GANC: variants seen among roughly 807,000 people sequenced by gnomAD.
GANC encodes the protein neutral alpha-glucosidase C.
In GANC, 117 loss-of-function variants were observed where a neutral mutation model predicts 124.2. The observed-to-expected ratio is 0.94, with a 90% CI of 0.81 to 1.10. GANC has a LOEUF of 1.10. Ranked by LOEUF, GANC falls within the 50% of genes least tolerant of loss-of-function variation. The probability of loss-of-function intolerance (pLI) is 0.00; values close to 1 mark genes in which losing one functional copy is unlikely to be tolerated. For missense variants in GANC, 1,140 were observed against 1,095.0 expected (o/e 1.04, Z -0.58); for synonymous variants, 377 against 376.8 (o/e 1.00, Z -0.01).
In GANC at chr15:42,327,419, C is replaced by G; in HGVS notation, c.1477C>G (p.Leu493Val). 11 of 1,613,362 alleles carry G rather than the reference C, an allele frequency of 6.8e-6. No individual in the cohort carries two copies. Among genetic ancestry groups the G allele is most frequent in the Non-Finnish European group, 9.3e-6 (11 of 1,179,556 alleles). Residue 493 changes from leucine (L) to valine (V), a missense_variant, in exon 13 of 24, where the codon CTT becomes GTT. Leu to Val is a conservative substitution (Grantham distance 32). Coordinates refer to ENST00000318010, the MANE Select transcript of GANC (RefSeq NM_198141.3). ...CAAGGTCAGAGAGTGGTATTCAAGTCTTTTTGCTTTCCCTGTTTATCAGGT... is the reference window on the plus strand; with the variant it reads ...CAAGGTCAGAGAGTGGTATTCAAGTGTTTTTGCTTTCCCTGTTTATCAGGT... The part of the protein sequence containing the change: ...NPKVREWYSS[L>V]FAFPVYQGST...
At chr15:42,280,020 G>A (rs2051716084) in intron 3 of GANC, among the ~76,000 whole-genome samples, 1 of 152,176 alleles carries the variant, frequency 6.6e-6, no homozygotes, top group South Asian at 2.1e-4. Context: ...TTAGTCATAT[G>A]GAATCTTCAT....
At chr15:42,292,593 C>T in intron 4 of GANC, 142 bp from the exon 5 acceptor site, 1 of 728,410 alleles carries the variant, frequency 1.4e-6, no homozygotes, top group Admixed American at 3.1e-5. Flanking sequence ...AGCCAATGCT[C>T]TCATTAACTT....
intron 6 of GANC, among the ~76,000 whole-genome samples, chr15:42,298,226 A>G (rs1305154634): frequency 6.6e-6 from 1 of 152,224 alleles, no homozygotes; most frequent in Non-Finnish European, 1.5e-5. Flanking sequence ...GATGGAGCAT[A>G]TTCCATTTGA....
chr15:42,292,909 C>A lies in GANC; in HGVS notation c.504C>A (p.His168Gln). 1.2e-6 allele frequency: 2 copies of A among 1,613,672 alleles called. No individual in the cohort carries two copies. Among genetic ancestry groups the A allele is most frequent in the Non-Finnish European group, 1.7e-6 (2 of 1,179,684 alleles). ...ACTTTGAGCATCTACAGATTCTTCA[C>A]AAACAAAGGTATTCTTATGCATTAC... ...QLYFEHLQIL[H>Q]KQRAAKENEE... is the part of the protein sequence containing the mutation. Residue 168 changes from histidine to glutamine, a missense_variant, in exon 5 of 24, where the codon CAC becomes CAA. Physicochemically the swap from His to Gln is conservative, Grantham distance 24. Transcript: ENST00000318010.
At chr15:42,319,713 T>G (rs1380071241) in intron 10 of GANC, among the ~76,000 whole-genome samples, 1 of 152,160 alleles carries the variant, frequency 6.6e-6, no homozygotes, top group African/African-American at 2.4e-5. Context: ...ATTTATTGTT[T>G]TATAAATTGT....
chr15:42,292,377 G>GTTT (rs61513725), intron 4 of GANC, among the ~76,000 whole-genome samples: 1 of 148,294 alleles, frequency 6.7e-6, no homozygotes, highest in Non-Finnish European at 1.5e-5. Flanking sequence ...TTTACTGTGT[G>GTTT]TTTTTTTTTT....
intron 19 of GANC, chr15:42,343,397 C>CT: frequency 2.1e-6 from 1 of 480,982 alleles, no homozygotes; most frequent in South Asian, 2.4e-5. Flanking sequence ...AGTCTTCACA[C>CT]TTTGACTAGT....
In GANC at chr15:42,297,687, T is replaced by C. The variant is rs749301874; in HGVS notation, c.558+31T>C. On this transcript the variant is annotated intron_variant, in intron 6 of 23. Coordinates refer to ENST00000318010, the MANE Select transcript of GANC (RefSeq NM_198141.3). ...CTAGATTGATCCATTTATTGTTATCTTTTTCACCATCATCATCATGATAGG... is the reference window on the plus strand; with the variant it reads ...CTAGATTGATCCATTTATTGTTATCCTTTTCACCATCATCATCATGATAGG... 72 of 1,489,298 alleles carry C rather than the reference T, an allele frequency of 4.8e-5. No individual in the cohort carries two copies. The Middle Eastern group carries it at 5.2e-4, about 11-fold the overall frequency. The allele number at this position is 1,489,298 out of a possible 1,614,324, so 92.3% of individuals were successfully genotyped here. A position where few individuals can be genotyped will look rare whatever the true frequency, so the allele number is the denominator to read the frequency against.
Position 42,321,656 on chromosome 15 carries a change from C to A in GANC, c.1058-129C>A, listed in dbSNP as rs894428840. On this transcript the variant is annotated intron_variant, in intron 10 of 23. Transcript: ENST00000318010. ...CACTTCCTTAAAGGCAAGGACTGTG[C>A]TTTCTTCTCCTTGTTATTCTAAGCA... is the stretch of plus-strand genomic sequence containing the variant. 47 of 790,986 alleles carry A rather than the reference C, an allele frequency of 5.9e-5. No individual in the cohort carries two copies. The African/African-American group carries it at 7.2e-4, about 12-fold the overall frequency. The allele number at this position is 790,986 out of a possible 1,614,324, so 49.0% of individuals were successfully genotyped here. A position where few individuals can be genotyped will look rare whatever the true frequency, so the allele number is the denominator to read the frequency against.
chr15:42,339,448 C>A (rs943523342), intron 16 of GANC, among the ~76,000 whole-genome samples: 1 of 151,974 alleles, frequency 6.6e-6, no homozygotes, highest in Non-Finnish European at 1.5e-5. Context: ...AAGCCTCTGA[C>A]CTTTCGACAA....
At position 42,282,481 on chromosome 15, in the gene GANC, A is replaced by G. The variant is rs956073764; in HGVS notation, c.201+3891A>G. Among the ~76,000 whole-genome samples the G allele has an allele frequency of 2.0e-5, 3 of 152,180 alleles. 1 individual carries two copies. The South Asian group carries it at 6.2e-4, about 32-fold the overall frequency. ...CACTTATTCAGAATGATAGCTTTTT[A>G]TTTCAGGTCAAGAGGGACAGCCCAG... is the stretch of plus-strand genomic sequence containing the variant. On this transcript the variant is annotated intron_variant, in intron 3 of 23. Transcript: ENST00000318010.
rs1215104730 is a variant in GANC, at chr15:42,329,327, C to G, written c.1522C>G (p.Leu508Val). The G allele has an allele frequency of 6.2e-7, 1 of 1,613,736 alleles. No homozygotes were observed. Among genetic ancestry groups the G allele is most frequent in the African/African-American group, 1.3e-5 (1 of 75,022 alleles). The change falls in exon 14 of 24, where the codon CTT (leucine) becomes GTT (valine). Residue 508 changes from leucine to valine, a missense_variant. Physicochemically the swap from Leu to Val is conservative, Grantham distance 32. Coordinates refer to ENST00000318010, the MANE Select transcript of GANC (RefSeq NM_198141.3). ...VYQGSTDILF[L>V]WNDMNEPSVF... ...CTAGGGATCTACGGACATCCTCTTCCTTTGGAATGACATGAATGAGCCTTC... is the reference window on the plus strand; with the variant it reads ...CTAGGGATCTACGGACATCCTCTTCGTTTGGAATGACATGAATGAGCCTTC...
At chr15:42,334,377 G>C (rs1187347079) in intron 15 of GANC, among the ~76,000 whole-genome samples, 1 of 152,118 alleles carries the variant, frequency 6.6e-6, no homozygotes, top group Non-Finnish European at 1.5e-5. Flanking sequence ...GGGCAGTCCG[G>C]TCTTAAACTC....
intron 6 of GANC, among the ~76,000 whole-genome samples, chr15:42,298,259 A>C (rs2051910676): frequency 6.6e-6 from 1 of 152,192 alleles, no homozygotes; most frequent in African/African-American, 2.4e-5. Context: ...TGTATGCAAT[A>C]TATATTTATT....
rs1226840417 is a variant in GANC, at chr15:42,326,416, G to A, written c.1412G>A (p.Cys471Tyr). The A allele has an allele frequency of 6.2e-7, 1 of 1,613,986 alleles. No individual in the cohort carries two copies. The highest frequency in any genetic ancestry group is 1.7e-5 in the Admixed American group (1 of 60,016). The change falls in exon 12 of 24, where the codon TGT (cysteine) becomes TAT (tyrosine). Residue 471 changes from cysteine (C) to tyrosine (Y), a missense_variant. Coordinates refer to ENST00000318010, the MANE Select transcript of GANC (RefSeq NM_198141.3). ...GAAGGGGAAGACTTTGAAGGGGTGT[G>A]TTGGCCAGGTATGAAATCACTTTAT... ...NQEGEDFEGV[C>Y]WPGLSSYLDF... is the part of the protein sequence containing the mutation.
At chr15:42,314,383 C>A in intron 10 of GANC, 1 of 471,616 alleles carries the variant, frequency 2.1e-6, no homozygotes, top group Non-Finnish European at 3.8e-6. Flanking sequence ...TCTACCAGCA[C>A]CTTTTGATGA....
In GANC at chr15:42,340,710, C is replaced by T. The variant is rs2052323077; in HGVS notation, c.2108C>T (p.Pro703Leu). The T allele has an allele frequency of 6.2e-7, 1 of 1,607,092 alleles. No individual in the cohort carries two copies. Among genetic ancestry groups the T allele is most frequent in the Middle Eastern group, 1.7e-4 (1 of 5,928 alleles). The stretch of plus-strand genomic sequence containing the variant: ...CCCAGGCCTCTGTGGGTAGAGTTCC[C>T]TGATGAACTAAAGACTTTTGATATG... The part of the protein sequence containing the change: ...PVMRPLWVEF[P>L]DELKTFDMED... Residue 703 changes from proline (P) to leucine (L), a missense_variant, in exon 18 of 24, where the codon CCT becomes CTT. Physicochemically the swap from Pro to Leu is moderately conservative, Grantham distance 98. Coordinates refer to ENST00000318010, the MANE Select transcript of GANC (RefSeq NM_198141.3).
chr15:42,321,148 G>A (rs1362902846), intron 10 of GANC, among the ~76,000 whole-genome samples: 2 of 152,072 alleles, frequency 1.3e-5, no homozygotes, highest in Admixed American at 6.5e-5. Context: ...TTACCTTTAA[G>A]TGAGTCCCAA....
chr15:42,284,937 TATCTAAGG>T (rs1288102808), intron 3 of GANC, among the ~76,000 whole-genome samples: 2 of 152,238 alleles, frequency 1.3e-5, no homozygotes, highest in East Asian at 3.8e-4. Flanking sequence ...CTACTTATAT[TATCTAAGG>T]ATTAATACTA....
Sources: allele counts gnomAD v4.1 joint callset (sites outside exome capture counted in the v4.1 genomes callset), GRCh38; gene constraint gnomAD v4.1.1; transcripts MANE v1.5; gene names NCBI Gene and HGNC (gene_info 2026-07-23, HGNC 2026-07-21).